Variants in ADAMTS18 observed in about 807,000 individuals in gnomAD.
The protein encoded by ADAMTS18 is ADAM metallopeptidase with thrombospondin type 1 motif 18.
Under a neutral mutation model 165.9 loss-of-function variants are expected in ADAMTS18, and 157 were observed. The ratio of observed to expected loss-of-function variants is 0.95; its 90% CI spans 0.83 to 1.08. ADAMTS18 has a LOEUF of 1.08. Ranked by LOEUF, ADAMTS18 falls within the 50% of genes least tolerant of loss-of-function variation. The pLI, the probability that ADAMTS18 is intolerant of heterozygous loss-of-function variation, is 0.00. For missense variants in ADAMTS18, 2,040 were observed against 1,534.0 expected (o/e 1.33, Z -5.51); for synonymous variants, 782 against 578.2 (o/e 1.35, Z -5.06).
At chr16:77,412,606 C>T (rs2057479068) in intron 3 of ADAMTS18, among the ~76,000 whole-genome samples, 1 of 152,156 alleles carries the variant, frequency 6.6e-6, no homozygotes, top group Non-Finnish European at 1.5e-5. Context: ...AAGGGGCTCA[C>T]AGTTCCACAT....
chr16:77,353,899 T>C lies in ADAMTS18; in HGVS notation c.1461-13A>G, dbSNP rs2056592070. 2.5e-6 allele frequency: 4 copies of C among 1,614,134 alleles called. No individual in the cohort carries two copies. The highest frequency in any genetic ancestry group is 4.5e-5 in the East Asian group (2 of 44,884). ...CGCCTGAGGTGTGCTGTAATGACAA[T>C]ACATGCTTATTAATTACTCTGTTGA... On this transcript the variant is annotated splice_polypyrimidine_tract_variant and intron_variant, in intron 9 of 22. Transcript: ENST00000282849.
intron 3 of ADAMTS18, among the ~76,000 whole-genome samples, chr16:77,430,597 GAAC>G (rs1226472139): frequency 6.6e-6 from 1 of 152,282 alleles, no homozygotes; most frequent in East Asian, 1.9e-4. Flanking sequence ...AATCAACCCA[GAAC>G]AACATTTACC....
intron 16 of ADAMTS18, among the ~76,000 whole-genome samples, chr16:77,303,078 C>T (rs2055615574): frequency 6.6e-6 from 1 of 152,134 alleles, no homozygotes; most frequent in East Asian, 1.9e-4. Context: ...CCTCCTCTTC[C>T]TCCCCTGCTG....
In ADAMTS18 at chr16:77,295,133, A is replaced by C; in HGVS notation, c.2802-6T>G. ...TCCATTCACCTGGCATCCAGCTTTC[A>C]GTGCAAAACAAACATTACCAATGAA... is the stretch of plus-strand genomic sequence containing the variant. On this transcript the variant is annotated splice_polypyrimidine_tract_variant and splice_region_variant and intron_variant, in intron 18 of 22. Transcript: ENST00000282849. 1.2e-6 allele frequency: 2 copies of C among 1,614,136 alleles called. No individual in the cohort carries two copies. Among genetic ancestry groups the C allele is most frequent in the Non-Finnish European group, 1.7e-6 (2 of 1,180,006 alleles).
At chr16:77,292,194 T>C (rs887420553) in intron 20 of ADAMTS18, among the ~76,000 whole-genome samples, 2 of 151,962 alleles carry the variant, frequency 1.3e-5, no homozygotes, top group Non-Finnish European at 2.9e-5. Context: ...TGCATGCCTC[T>C]AGTCCGAGGC....
chr16:77,403,272 G>A (rs2057354028), intron 3 of ADAMTS18, among the ~76,000 whole-genome samples: 1 of 152,136 alleles, frequency 6.6e-6, no homozygotes, highest in East Asian at 1.9e-4. Context: ...TAGGCTAATT[G>A]TTAATAATAA....
Position 77,322,478 on chromosome 16 carries a change from G to T in ADAMTS18, c.2033-12C>A. ...GCATCGATCTTCCTCTAGAAACAAAGAGATCAAGATAGGAAATGGTCAAGA... is the reference window on the plus strand; with the variant it reads ...GCATCGATCTTCCTCTAGAAACAAATAGATCAAGATAGGAAATGGTCAAGA... On this transcript the variant is annotated splice_polypyrimidine_tract_variant and intron_variant, in intron 13 of 22. Coordinates refer to ENST00000282849, the MANE Select transcript of ADAMTS18 (RefSeq NM_199355.4). 1 of 1,613,676 alleles carries T rather than the reference G, an allele frequency of 6.2e-7. No individual in the cohort carries two copies. The highest frequency in any genetic ancestry group is 8.5e-7 in the Non-Finnish European group (1 of 1,179,766).
chr16:77,337,289 T>C (rs2056325440), intron 11 of ADAMTS18, among the ~76,000 whole-genome samples: 1 of 152,134 alleles, frequency 6.6e-6, no homozygotes, highest in African/African-American at 2.4e-5. Flanking sequence ...TGGACTGAGT[T>C]CAGTGGCTGA....
chr16:77,342,132 T>C (rs1054706486), intron 10 of ADAMTS18, among the ~76,000 whole-genome samples: 1 of 152,164 alleles, frequency 6.6e-6, no homozygotes, highest in African/African-American at 2.4e-5. Flanking sequence ...TACATCAAGA[T>C]TGGAATAAAG....
At chr16:77,419,114 A>C (rs1683634702) in intron 3 of ADAMTS18, among the ~76,000 whole-genome samples, 1 of 152,030 alleles carries the variant, frequency 6.6e-6, no homozygotes, top group Non-Finnish European at 1.5e-5. Context: ...ATGCCACTGC[A>C]CTCCAGCCTG....
chr16:77,332,209 C>T (rs2056200566), intron 12 of ADAMTS18, among the ~76,000 whole-genome samples: 1 of 152,184 alleles, frequency 6.6e-6, no homozygotes, highest in African/African-American at 2.4e-5. Flanking sequence ...TCATCCTCTG[C>T]ACTATGCTAC....
intron 16 of ADAMTS18, among the ~76,000 whole-genome samples, chr16:77,314,783 TATAAA>T (rs1386479558): frequency 2.2e-5 from 2 of 90,636 alleles, no homozygotes; most frequent in African/African-American, 8.5e-5. Context: ...TATATATATA[TATAAA>T]ATATATGTGA....
intron 8 of ADAMTS18, among the ~76,000 whole-genome samples, chr16:77,356,511 G>C (rs550137913): frequency 2.0e-5 from 3 of 152,102 alleles, no homozygotes; most frequent in Non-Finnish European, 4.4e-5. Flanking sequence ...ATTATAAGTT[G>C]TTTATGAACT....
At chr16:77,368,524 C>T (rs1160804122) in intron 3 of ADAMTS18, among the ~76,000 whole-genome samples, 1 of 149,820 alleles carries the variant, frequency 6.7e-6, no homozygotes, top group Non-Finnish European at 1.5e-5. Context: ...GTAGCCTTGA[C>T]CTACTGGTCT....
At chr16:77,317,977 G>A (rs1010954616) in intron 16 of ADAMTS18, among the ~76,000 whole-genome samples, 1 of 152,184 alleles carries the variant, frequency 6.6e-6, no homozygotes, top group Non-Finnish European at 1.5e-5. Context: ...ACAGCATGCT[G>A]TCAGCCCAGA....
At chr16:77,371,256 G>A (rs1279826043) in intron 3 of ADAMTS18, among the ~76,000 whole-genome samples, 2 of 133,304 alleles carry the variant, frequency 1.5e-5, no homozygotes, top group Non-Finnish European at 3.5e-5. Flanking sequence ...AACAAAAACG[G>A]AGAAAAAGAA....
chr16:77,323,794 TTC>T (rs1426246673), intron 13 of ADAMTS18, among the ~76,000 whole-genome samples: 5 of 152,152 alleles, frequency 3.3e-5, no homozygotes, highest in Admixed American at 1.3e-4. Flanking sequence ...GCCTTAACGT[TTC>T]TGTCTCCCTC....
Position 77,434,648 on chromosome 16 carries a change from C to T in ADAMTS18, c.48G>A (p.Ser16=). The change falls in exon 1 of 23, where the codon TCG becomes TCA. Residue 16 remains serine, a synonymous_variant. Coordinates refer to ENST00000282849, the MANE Select transcript of ADAMTS18 (RefSeq NM_199355.4). ...LLACAFPAAG[S]GPPRGLAGLG... ...GTCCCGCCAGGCCCCTCGGCGGGCC[C>T]GAACCCGCAGCCGGGAAGGCACACG... 1 of 1,480,688 alleles carries T rather than the reference C, an allele frequency of 6.8e-7. No homozygotes were observed. Among genetic ancestry groups the T allele is most frequent in the Non-Finnish European group, 8.9e-7 (1 of 1,122,654 alleles). The allele number at this position is 1,480,688 out of a possible 1,614,324, so 91.7% of individuals were successfully genotyped here.
At chr16:77,355,733 T>A (rs1490379868) in intron 9 of ADAMTS18, among the ~76,000 whole-genome samples, 1 of 152,216 alleles carries the variant, frequency 6.6e-6, no homozygotes, top group Non-Finnish European at 1.5e-5. Context: ...GGAGGAAATA[T>A]GTGGAGAACA....
Sources: allele counts gnomAD v4.1 joint callset (sites outside exome capture counted in the v4.1 genomes callset), GRCh38; gene constraint gnomAD v4.1.1; transcripts MANE v1.5; gene names NCBI Gene and HGNC (gene_info 2026-07-23, HGNC 2026-07-21).